The following CHSY3 variants were observed in gnomAD, a reference collection of about 807,000 sequenced individuals.
CHSY3 encodes N-acetylgalactosaminyl-proteoglycan 3-beta-glucuronosyltransferase 3.
A neutral mutation model predicts 67.2 loss-of-function variants in CHSY3; 35 were observed. The observed-to-expected ratio is 0.52, with a 90% CI of 0.40 to 0.69. The LOEUF (loss-of-function observed/expected upper bound fraction) is 0.69, where lower values mean the gene tolerates loss of function less well. Among genes scored for constraint, CHSY3 ranks in the 30% least tolerant of loss-of-function variants. The pLI is 0.00. For synonymous variants in CHSY3, 474 were observed against 434.7 expected, an observed-to-expected ratio of 1.09 and a Z score of -1.12; for missense variants, 1,069 against 1,138.5, an observed-to-expected ratio of 0.94 and a Z score of 0.88.
chr5:130,094,703 CA>C (rs573144513), intron 2 of CHSY3, among the ~76,000 whole-genome samples: 200 of 152,134 alleles, frequency 1.3e-3, no homozygotes, highest in African/African-American at 3.2e-3. Flanking sequence ...TAGGAAGTGG[CA>C]GGGGGGTAGA....
chr5:130,158,049 T>C (rs1447506899), intron 2 of CHSY3, among the ~76,000 whole-genome samples: 2 of 152,204 alleles, frequency 1.3e-5, no homozygotes, highest in Non-Finnish European at 2.9e-5. Context: ...CGACCAGAGG[T>C]CACTCTTGTT....
rs575752271 is a variant in CHSY3 at position 129,931,063 on chromosome 5, A to AT, written c.1086+22713dup. 2.3e-3 allele frequency among the ~76,000 whole-genome samples: 341 copies of AT among 150,244 alleles called. 2 individuals carry two copies. The highest frequency in any genetic ancestry group is 6.9e-3 in the African/African-American group (281 of 40,994). The stretch of plus-strand genomic sequence containing the variant: ...TAAGGTCATATATCATGCTAACTGA[A>AT]TTTTTTTTTTGTCATTTTGAATAAT... On this transcript the variant is annotated intron_variant, in intron 2 of 2. Transcript: ENST00000305031.
At chr5:129,968,301 T>A (rs564335737) in intron 2 of CHSY3, among the ~76,000 whole-genome samples, 1 of 152,008 alleles carries the variant, frequency 6.6e-6, no homozygotes, top group East Asian at 1.9e-4. Context: ...TAGCTAACAT[T>A]TTTTAAATTT....
chr5:129,958,372 G>A (rs756045663), intron 2 of CHSY3, among the ~76,000 whole-genome samples: 3 of 152,102 alleles, frequency 2.0e-5, no homozygotes, highest in Non-Finnish European at 4.4e-5. Context: ...TAGGGCATCT[G>A]ACAGGGAACT....
chr5:130,147,695 G>C (rs1011779279), intron 2 of CHSY3, among the ~76,000 whole-genome samples: 1 of 152,174 alleles, frequency 6.6e-6, no homozygotes, highest in African/African-American at 2.4e-5. Context: ...GCCTCAGGGA[G>C]CTTACAATCT....
At chr5:130,139,892 A>G (rs1768799160) in intron 2 of CHSY3, 1 of 152,252 alleles carries the variant, frequency 6.6e-6, no homozygotes, top group Non-Finnish European at 1.5e-5. Flanking sequence ...TACTACAGCT[A>G]AGTTTGGCTA....
intron 2 of CHSY3, among the ~76,000 whole-genome samples, chr5:130,092,764 G>T (rs1766921479): frequency 6.6e-6 from 1 of 152,166 alleles, no homozygotes; most frequent in East Asian, 1.9e-4. Flanking sequence ...GGAGATGGGA[G>T]ATCAGTCTCA....
intron 2 of CHSY3, among the ~76,000 whole-genome samples, chr5:129,930,507 G>GA (rs1761267781): frequency 2.5e-5 from 3 of 119,330 alleles, no homozygotes; most frequent in South Asian, 6.1e-4. Context: ...GGCATCACTG[G>GA]CGGGGGGGGG....
chr5:130,088,603 C>CA (rs1443181067), intron 2 of CHSY3, among the ~76,000 whole-genome samples: 5 of 151,956 alleles, frequency 3.3e-5, no homozygotes, highest in Middle Eastern at 3.2e-3. Context: ...TTTATGCAGC[C>CA]AAAAAACACA....
rs573014636 is a variant in CHSY3 at position 130,082,514 on chromosome 5, C to T, written c.1087-101715C>T. Among the ~76,000 whole-genome samples, 7 of 152,074 alleles carry T rather than the reference C, an allele frequency of 4.6e-5. No homozygotes were observed. The South Asian group carries it at 1.2e-3, about 27-fold the overall frequency. On this transcript the variant is annotated intron_variant, in intron 2 of 2. Transcript: ENST00000305031. ...ATGATTTCTCTTAACGATGTAAGCA[C>T]GGAATTAATTTTCCTCTTATATTAT...
At chr5:130,069,242 A>G (rs1765982969) in intron 2 of CHSY3, among the ~76,000 whole-genome samples, 1 of 152,202 alleles carries the variant, frequency 6.6e-6, no homozygotes, top group East Asian at 1.9e-4. Context: ...AATGCATTTG[A>G]AGCTATAAGA....
intron 2 of CHSY3, among the ~76,000 whole-genome samples, chr5:130,128,236 G>A (rs1421442575): frequency 6.7e-6 from 1 of 150,060 alleles, no homozygotes; most frequent in East Asian, 2.0e-4. Flanking sequence ...TGTGGTGTGT[G>A]TGTGTGTGTG....
In CHSY3 at chr5:129,905,068, G is replaced by T. The variant is rs773471290; in HGVS notation, c.239G>T (p.Arg80Leu). The T allele has an allele frequency of 3.2e-5, 50 of 1,545,666 alleles. No homozygotes were observed. Among genetic ancestry groups the T allele is most frequent in the Non-Finnish European group, 1.8e-5 (21 of 1,152,096 alleles). ...CAGGAGCAGTCGCCGCCCCCCGCGC[G>T]CCAGGATCTCCAGGGGCCACCGCTG... ...PRQEQSPPPA[R>L]QDLQGPPLPE... Residue 80 changes from arginine to leucine, a missense_variant, in exon 1 of 3, where the codon CGC becomes CTC. Arg to Leu is a moderately radical substitution (Grantham distance 102). Coordinates refer to ENST00000305031, the MANE Select transcript of CHSY3 (RefSeq NM_175856.5).
At position 130,056,500 on chromosome 5, in the gene CHSY3, A is replaced by G. The variant is rs527852912; in HGVS notation, c.1087-127729A>G. On this transcript the variant is annotated intron_variant, in intron 2 of 2. Transcript: ENST00000305031. ...GAATTTCAAAATGAATCAAAGATGA[A>G]TCTTCACTGATCTTAGAAAAGCAAA... Among the ~76,000 whole-genome samples the G allele has an allele frequency of 2.6e-5, 4 of 152,330 alleles. No individual in the cohort carries two copies. In the South Asian group the frequency reaches 6.2e-4, roughly 24 times the overall value.
intron 2 of CHSY3, among the ~76,000 whole-genome samples, chr5:129,995,559 A>C (rs926439448): frequency 1.4e-5 from 2 of 146,154 alleles, no homozygotes; most frequent in African/African-American, 5.1e-5. Context: ...CCCAGGCTGG[A>C]GTGCAGTGGC....
At chr5:129,969,678 T>A (rs1224140651) in intron 2 of CHSY3, among the ~76,000 whole-genome samples, 5 of 151,862 alleles carry the variant, frequency 3.3e-5, no homozygotes. Flanking sequence ...TTTGAAGAAA[T>A]GGGTAGAAAA....
intron 2 of CHSY3, among the ~76,000 whole-genome samples, chr5:130,080,027 C>T (rs1415533375): frequency 1.4e-5 from 2 of 140,342 alleles, no homozygotes; most frequent in South Asian, 4.9e-4. Flanking sequence ...TTCAGAAATA[C>T]ACCTGAACAT....
chr5:130,124,809 T>C (rs1475293335), intron 2 of CHSY3, among the ~76,000 whole-genome samples: 1 of 152,148 alleles, frequency 6.6e-6, no homozygotes, highest in East Asian at 1.9e-4. Flanking sequence ...TATGTAAAAT[T>C]GCATGTTTTG....
intron 2 of CHSY3, among the ~76,000 whole-genome samples, chr5:130,176,903 A>T (rs1243605226): frequency 6.6e-6 from 1 of 152,124 alleles, no homozygotes; most frequent in Non-Finnish European, 1.5e-5. Flanking sequence ...TGATGGGTTG[A>T]TGAGTGCAGC....
Sources: allele counts gnomAD v4.1 joint callset (sites outside exome capture counted in the v4.1 genomes callset), GRCh38; gene constraint gnomAD v4.1.1; transcripts MANE v1.5; gene names NCBI Gene and HGNC (gene_info 2026-07-23, HGNC 2026-07-21).